Variants in C8orf34 observed in about 807,000 individuals in gnomAD.
C8orf34 encodes the protein uncharacterized protein C8orf34.
In C8orf34, 65 loss-of-function variants were observed where a neutral mutation model predicts 68.3. The observed-to-expected ratio is 0.95, with a 90% CI of 0.78 to 1.17. C8orf34 has a LOEUF of 1.17. Among genes scored for constraint, C8orf34 ranks in the 50% most tolerant of loss-of-function variants. The pLI is 0.00. For synonymous variants in C8orf34, 244 were observed against 241.2 expected (o/e 1.01, Z -0.11); for missense variants, 664 against 655.4 (o/e 1.01, Z -0.14).
intron 7 of C8orf34, among the ~76,000 whole-genome samples, chr8:68,619,314 A>G (rs967695294): frequency 2.0e-5 from 3 of 152,186 alleles, no homozygotes; most frequent in African/African-American, 7.2e-5. Flanking sequence ...TGAGAGACAG[A>G]CCTTATATCA....
chr8:68,572,621 A>G (rs1161464116), intron 7 of C8orf34, among the ~76,000 whole-genome samples: 1 of 152,052 alleles, frequency 6.6e-6, no homozygotes, highest in Non-Finnish European at 1.5e-5. Context: ...TGTTTCTTAT[A>G]AAGTTTCAGA....
intron 7 of C8orf34, among the ~76,000 whole-genome samples, chr8:68,582,286 C>A (rs557987384): frequency 2.6e-4 from 39 of 152,226 alleles, no homozygotes; most frequent in Admixed American, 1.8e-3. Flanking sequence ...CCAGCAAGGC[C>A]CATCTGTTCA....
intron 7 of C8orf34, among the ~76,000 whole-genome samples, chr8:68,570,259 T>C (rs1350176593): frequency 2.0e-5 from 3 of 152,192 alleles, no homozygotes; most frequent in Non-Finnish European, 4.4e-5. Flanking sequence ...TTTATCTTTG[T>C]TTCCATATAT....
At chr8:68,645,590 G>A (rs11780358) in intron 8 of C8orf34, among the ~76,000 whole-genome samples, 28,649 of 151,946 alleles carry the variant, frequency 0.19, 3,201 homozygotes, top group East Asian at 0.55. Flanking sequence ...TGTTTCTTAA[G>A]AGTTTCAAGG....
intron 7 of C8orf34, among the ~76,000 whole-genome samples, chr8:68,562,163 C>T (rs767828694): frequency 2.6e-4 from 40 of 152,264 alleles, no homozygotes; most frequent in Non-Finnish European, 4.1e-4. Context: ...ACCACAAACA[C>T]GTGAGTACTG....
chr8:68,503,196 T>G (rs1354097648), intron 5 of C8orf34, among the ~76,000 whole-genome samples: 1 of 152,210 alleles, frequency 6.6e-6, no homozygotes, highest in Non-Finnish European at 1.5e-5. Flanking sequence ...ATAATTTTCC[T>G]AGATAAACAG....
chr8:68,467,914 T>G (rs1240445832), intron 3 of C8orf34, among the ~76,000 whole-genome samples: 1 of 152,026 alleles, frequency 6.6e-6, no homozygotes, highest in East Asian at 1.9e-4. Context: ...TTGCCACTAT[T>G]AAACCATTTT....
intron 5 of C8orf34, among the ~76,000 whole-genome samples, chr8:68,521,488 G>T (rs905675378): frequency 6.6e-6 from 1 of 152,002 alleles, no homozygotes; most frequent in Admixed American, 6.6e-5. Context: ...TATGTGGGCC[G>T]CCCTGTTTAC....
chr8:68,595,591 T>G (rs1817525365), intron 7 of C8orf34, among the ~76,000 whole-genome samples: 1 of 152,112 alleles, frequency 6.6e-6, no homozygotes, highest in African/African-American at 2.4e-5. Context: ...TCTTTAGATA[T>G]TCCCCTGATA....
chr8:68,724,798 A>G (rs1821779770), intron 10 of C8orf34, among the ~76,000 whole-genome samples: 1 of 152,234 alleles, frequency 6.6e-6, no homozygotes, highest in Non-Finnish European at 1.5e-5. Context: ...ACATTATTTT[A>G]GATCAATGAT....
rs78555255 is a variant in C8orf34 at position 68,368,705 on chromosome 8, T to C, written c.327+37366T>C. On this transcript the variant is annotated intron_variant, in intron 1 of 13. Coordinates refer to ENST00000518698, the MANE Select transcript of C8orf34 (RefSeq NM_052958.4). Reference sequence around the variant, plus strand: ...TAATATTTAAAGGTTTTTCTCTATGTATTGAGATTACCATATGATTTTTTT... The same window carrying C: ...TAATATTTAAAGGTTTTTCTCTATGCATTGAGATTACCATATGATTTTTTT... Among the ~76,000 whole-genome samples the C allele has an allele frequency of 8.1e-3, 1,237 of 152,310 alleles. 41 individuals carry two copies. In the East Asian group the frequency reaches 0.1, roughly 13 times the overall value.
intron 8 of C8orf34, among the ~76,000 whole-genome samples, chr8:68,703,949 A>G (rs1359705014): frequency 6.6e-6 from 1 of 152,192 alleles, no homozygotes; most frequent in African/African-American, 2.4e-5. Flanking sequence ...GAATATAATT[A>G]TAAGTATACT....
chr8:68,434,765 G>A (rs1338069763), intron 1 of C8orf34, among the ~76,000 whole-genome samples: 1 of 152,148 alleles, frequency 6.6e-6, no homozygotes, highest in Non-Finnish European at 1.5e-5. Context: ...AGAACATTGA[G>A]GCTGGGCGCA....
intron 12 of C8orf34, among the ~76,000 whole-genome samples, chr8:68,795,602 A>G (rs1462285685): frequency 6.6e-6 from 1 of 152,208 alleles, no homozygotes; most frequent in Non-Finnish European, 1.5e-5. Flanking sequence ...GCTAAGTAGC[A>G]TAGTGGTCAG....
Position 68,331,346 on chromosome 8 carries a change from C to A in C8orf34, c.327+7C>A. ...GATCGGTCCCCTGTTTGAGGTAAGG[C>A]GCTGTGGAGGAGGGCAGTCCCGTTG... On this transcript the variant is annotated splice_region_variant and intron_variant, in intron 1 of 13. Transcript: ENST00000518698. 6.5e-7 allele frequency: 1 copy of A among 1,536,232 alleles called. No homozygotes were observed. The highest frequency in any genetic ancestry group is 8.7e-7 in the Non-Finnish European group (1 of 1,146,858).
At position 68,439,625 on chromosome 8, in the gene C8orf34, T is replaced by TG; in HGVS notation, c.457dup (p.Ala153GlyfsTer4). On this transcript the variant is annotated frameshift_variant, in exon 2 of 14. Transcript: ENST00000518698. LOFTEE classifies it high-confidence loss of function. ...AACTTTGTCTGGATCTGCAGCTCTA[T>TG]GGGCAGAAAGTGAAAAATCAGGTAA... 7 of 1,612,358 alleles carry TG rather than the reference T, an allele frequency of 4.3e-6. No homozygotes were observed. The highest frequency in any genetic ancestry group is 5.9e-6 in the Non-Finnish European group (7 of 1,179,454).
intron 1 of C8orf34, among the ~76,000 whole-genome samples, chr8:68,377,188 T>C (rs1807838623): frequency 6.6e-6 from 1 of 151,914 alleles, no homozygotes; most frequent in Non-Finnish European, 1.5e-5. Flanking sequence ...ACTCAGGAGT[T>C]CAAGACTAGC....
Position 68,780,039 on chromosome 8 carries a change from C to G in C8orf34, c.1455+3590C>G, listed in dbSNP as rs550180489. Among the ~76,000 whole-genome samples, 99 of 151,826 alleles carry G rather than the reference C, an allele frequency of 6.5e-4. 1 individual carries two copies. The highest frequency in any genetic ancestry group is 3.7e-3 in the Admixed American group (56 of 15,240). On this transcript the variant is annotated intron_variant, in intron 11 of 13. Coordinates refer to ENST00000518698, the MANE Select transcript of C8orf34 (RefSeq NM_052958.4). Reference sequence around the variant, plus strand: ...TTCCAATGATTTCAAAGAATTAAACCCTCACTTACATAGTCATAAAGGAAT... The same window carrying G: ...TTCCAATGATTTCAAAGAATTAAACGCTCACTTACATAGTCATAAAGGAAT...
chr8:68,601,798 T>A (rs1022803054), intron 7 of C8orf34, among the ~76,000 whole-genome samples: 1 of 152,138 alleles, frequency 6.6e-6, no homozygotes, highest in African/African-American at 2.4e-5. Flanking sequence ...GAAGACTGAT[T>A]TTCTATTGTG....
Sources: gnomAD v4.1 joint callset for allele counts (sites outside exome capture counted in the v4.1 genomes callset) on GRCh38, gnomAD v4.1.1 for gene constraint, MANE v1.5 for transcripts, NCBI Gene and HGNC (gene_info 2026-07-23, HGNC 2026-07-21) for gene names.